RPS6KA2: variants seen among roughly 807,000 people sequenced by gnomAD.
RPS6KA2 encodes the protein ribosomal protein S6 kinase A2, also known as ribosomal protein S6 kinase alpha-2.
Under a neutral mutation model 91.8 loss-of-function variants are expected in RPS6KA2, and 42 were observed. That is an observed-to-expected ratio of 0.46 (90% CI 0.36 to 0.59). The LOEUF is 0.59. RPS6KA2 is among the 20% of genes least tolerant of loss of function. RPS6KA2 has a pLI of 0.00. For missense variants in RPS6KA2, 798 were observed against 978.5 expected, an observed-to-expected ratio of 0.82 and a Z score of 2.46; for synonymous variants, 414 against 393.6, an observed-to-expected ratio of 1.05 and a Z score of -0.61.
chr6:166,812,017 T>C (rs1374676637), intron 2 of RPS6KA2, among the ~76,000 whole-genome samples: 1 of 152,156 alleles, frequency 6.6e-6, no homozygotes, highest in Non-Finnish European at 1.5e-5. Context: ...GGGAACTTCT[T>C]GTGAAACCTG....
At chr6:166,728,231 T>C (rs2128587780) in intron 2 of RPS6KA2, among the ~76,000 whole-genome samples, 1 of 152,234 alleles carries the variant, frequency 6.6e-6, no homozygotes, top group East Asian at 1.9e-4. Flanking sequence ...TGCTCATCTG[T>C]ACGAATGGGG....
rs1189998952 is a variant in RPS6KA2 at position 166,448,466 on chromosome 6, T to C, written c.1332+258A>G. Among the ~76,000 whole-genome samples the C allele has an allele frequency of 6.6e-6, 1 of 152,168 alleles. No individual in the cohort carries two copies. The highest frequency in any genetic ancestry group is 6.5e-5 in the Admixed American group (1 of 15,278). On this transcript the variant is annotated intron_variant, in intron 14 of 20. Coordinates refer to ENST00000265678, the MANE Select transcript of RPS6KA2 (RefSeq NM_021135.6). This position sits in a 1 kb window ranked among gnomAD's most constrained non-coding sequence, Gnocchi z 4.7. ...TCAAAGCAAACTGAACTCCATCATATCAGAGCTTGGAAAATGGCAAATGGA... is the reference window on the plus strand; with the variant it reads ...TCAAAGCAAACTGAACTCCATCATACCAGAGCTTGGAAAATGGCAAATGGA...
At chr6:166,488,264 A>G (rs535182917) in intron 10 of RPS6KA2, among the ~76,000 whole-genome samples, 1 of 150,280 alleles carries the variant, frequency 6.7e-6, no homozygotes, top group Non-Finnish European at 1.5e-5. Context: ...GTTGCTGTCT[A>G]AACCGGAAAC....
intron 3 of RPS6KA2, among the ~76,000 whole-genome samples, chr6:166,512,422 C>G (rs896436650): frequency 2.0e-5 from 3 of 152,160 alleles, no homozygotes; most frequent in Admixed American, 1.3e-4. Context: ...CTGAACTGTT[C>G]ACTTACAAAT....
intron 2 of RPS6KA2, among the ~76,000 whole-genome samples, chr6:166,762,248 A>T (rs759044856): frequency 6.6e-6 from 1 of 152,104 alleles, no homozygotes; most frequent in African/African-American, 2.4e-5. Flanking sequence ...ATTTTACCAC[A>T]TTCTCCCTCA....
At chr6:166,752,815 T>C (rs1777888056) in intron 2 of RPS6KA2, among the ~76,000 whole-genome samples, 1 of 152,212 alleles carries the variant, frequency 6.6e-6, no homozygotes, top group Non-Finnish European at 1.5e-5. Flanking sequence ...GCTGGTTTCT[T>C]GGTAAAATCT....
At chr6:166,547,378 G>A (rs1432687210) in intron 1 of RPS6KA2, among the ~76,000 whole-genome samples, 1 of 152,244 alleles carries the variant, frequency 6.6e-6, no homozygotes. Context: ...AGCTGATGGG[G>A]TGATGGGGAA....
At chr6:166,578,254 C>G (rs542325561) in intron 1 of RPS6KA2, among the ~76,000 whole-genome samples, 1 of 152,358 alleles carries the variant, frequency 6.6e-6, no homozygotes, top group African/African-American at 2.4e-5. Flanking sequence ...GTGCCGTAGA[C>G]TCCTCCATCT....
intron 1 of RPS6KA2, among the ~76,000 whole-genome samples, chr6:166,597,924 A>G (rs1785597354): frequency 6.6e-6 from 1 of 152,226 alleles, no homozygotes; most frequent in Admixed American, 6.5e-5. Flanking sequence ...AGTTCCTGTC[A>G]GAACCACTGC....
At chr6:166,647,377 C>T (rs1237540728) in intron 2 of RPS6KA2, among the ~76,000 whole-genome samples, 2 of 152,148 alleles carry the variant, frequency 1.3e-5, no homozygotes, top group Non-Finnish European at 2.9e-5. Flanking sequence ...CTCTTCTTGC[C>T]GGGTTAGTGC....
At chr6:166,467,251 TTCAC>T (rs769536996) in intron 11 of RPS6KA2, among the ~76,000 whole-genome samples, 1 of 149,158 alleles carries the variant, frequency 6.7e-6, no homozygotes, top group Non-Finnish European at 1.5e-5. Flanking sequence ...CACTCATCCA[TTCAC>T]TCACTCAGTA....
At chr6:166,731,883 C>T (rs1353825742) in intron 2 of RPS6KA2, among the ~76,000 whole-genome samples, 2 of 152,114 alleles carry the variant, frequency 1.3e-5, no homozygotes, top group East Asian at 3.9e-4. Context: ...TCACCTCAGT[C>T]TACAGTCCTC....
chr6:166,629,394 C>T (rs1195084808), upstream of RPS6KA2, among the ~76,000 whole-genome samples: 2 of 152,200 alleles, frequency 1.3e-5, no homozygotes, highest in Non-Finnish European at 2.9e-5. Flanking sequence ...TCATTAGTTC[C>T]CCAAATTTGA....
intron 2 of RPS6KA2, among the ~76,000 whole-genome samples, chr6:166,688,322 T>G (rs1488368825): frequency 6.6e-6 from 1 of 152,144 alleles, no homozygotes; most frequent in Non-Finnish European, 1.5e-5. Flanking sequence ...ACTGGGACAC[T>G]GCACAGGGCC....
intron 1 of RPS6KA2, among the ~76,000 whole-genome samples, chr6:166,569,677 C>T (rs2128509196): frequency 6.6e-6 from 1 of 152,322 alleles, no homozygotes; most frequent in Non-Finnish European, 1.5e-5. Context: ...ACAAGGTCAC[C>T]TTGGGAGCTG....
At chr6:166,584,417 C>T (rs1309784762) in intron 1 of RPS6KA2, among the ~76,000 whole-genome samples, 1 of 152,220 alleles carries the variant, frequency 6.6e-6, no homozygotes, top group African/African-American at 2.4e-5. Flanking sequence ...TGGAGGGATA[C>T]AATTGAGTCC....
At chr6:166,511,036 T>C (rs1000710116) in intron 3 of RPS6KA2, among the ~76,000 whole-genome samples, 2 of 152,132 alleles carry the variant, frequency 1.3e-5, no homozygotes, top group African/African-American at 4.8e-5. Flanking sequence ...CGTGATAAGA[T>C]TGGGGCTAAA....
chr6:166,783,066 T>G (rs972271455), intron 2 of RPS6KA2, among the ~76,000 whole-genome samples: 2,780 of 125,660 alleles, frequency 0.022, 114 homozygotes, highest in African/African-American at 0.074. Flanking sequence ...ATTATTATTA[T>G]TATTATTATT....
intron 10 of RPS6KA2, among the ~76,000 whole-genome samples, chr6:166,474,792 A>G (rs1039163846): frequency 6.6e-6 from 1 of 151,986 alleles, no homozygotes; most frequent in Non-Finnish European, 1.5e-5. Context: ...CCCAGGGTCT[A>G]GCCCTACAAA....
Sources: gnomAD v4.1 joint callset for allele counts (sites outside exome capture counted in the v4.1 genomes callset) on GRCh38, gnomAD v4.1.1 for gene constraint, Gnocchi (gnomAD v3.1) non-coding constraint, MANE v1.5 for transcripts, NCBI Gene and HGNC (gene_info 2026-07-23, HGNC 2026-07-21) for gene names.